SERINC5: variants seen among roughly 807,000 people sequenced by gnomAD.
SERINC5 encodes the protein chromosome 5 open reading frame 12.
SERINC5 carries 41 observed loss-of-function variants against 63.1 expected under a neutral mutation model. The ratio of observed to expected loss-of-function variants is 0.65; its 90% confidence interval spans 0.51 to 0.84. The LOEUF (loss-of-function observed/expected upper bound fraction) is 0.84, where lower values mean the gene tolerates loss of function less well. Among genes scored for constraint, SERINC5 ranks in the 40% least tolerant of loss-of-function variants. The probability of loss-of-function intolerance (pLI) is 0.00; values close to 1 mark genes in which losing one functional copy is unlikely to be tolerated. For missense variants in SERINC5, 523 were observed against 573.0 expected, an observed-to-expected ratio of 0.91 and a Z score of 0.89; for synonymous variants, 222 against 215.2, an observed-to-expected ratio of 1.03 and a Z score of -0.28.
chr5:80,245,739 T>C (rs764273917), intron 1 of SERINC5, among the ~76,000 whole-genome samples: 11 of 151,930 alleles, frequency 7.2e-5, no homozygotes, highest in Admixed American at 1.3e-4. Context: ...CTCAGCCTCC[T>C]GAGTATCTGG....
chr5:80,153,107 T>G (rs1468499898), intron 8 of SERINC5, among the ~76,000 whole-genome samples: 1 of 152,144 alleles, frequency 6.6e-6, no homozygotes, highest in Non-Finnish European at 1.5e-5. Context: ...AGAACTACAT[T>G]CAGAGCATCA....
At position 80,141,328 on chromosome 5, in the gene SERINC5, G is replaced by A; in HGVS notation, c.*2335C>T. On this transcript the variant is annotated 3_prime_UTR_variant, in exon 12 of 12. Coordinates refer to ENST00000507668, the MANE Select transcript of SERINC5 (RefSeq NM_001174072.3). ...GTGGCTGGGCTGGCTCCAGAAGGAAGCGACGAGGGCCTTCTACCGGCCACA... is the reference window on the plus strand; with the variant it reads ...GTGGCTGGGCTGGCTCCAGAAGGAAACGACGAGGGCCTTCTACCGGCCACA... 4.1e-6 allele frequency: 4 copies of A among 985,462 alleles called. No individual in the cohort carries two copies. The highest frequency in any genetic ancestry group is 4.8e-6 in the Non-Finnish European group (4 of 829,942). The allele number at this position is 985,462 out of a possible 1,614,324, so 61.0% of individuals were successfully genotyped here. A position where few individuals can be genotyped will look rare whatever the true frequency, so the allele number is the denominator to read the frequency against.
At position 80,202,886 on chromosome 5, in the gene SERINC5, G is replaced by A. The variant is rs371918058; in HGVS notation, c.195C>T (p.His65=). 70 of 1,607,254 alleles carry A rather than the reference G, an allele frequency of 4.4e-5. No individual in the cohort carries two copies. The highest frequency in any genetic ancestry group is 5.5e-5 in the Non-Finnish European group (65 of 1,174,872). ...ACGAGCTGAACACGGACAAACTTAC[G>A]TGCTCTTTCATCTTGTGAGCCACGG... ...STTVAHKMKE[H]IPFFEDMCKG... Residue 65 remains histidine (H), a splice_region_variant and synonymous_variant, in exon 2 of 12, where the codon CAC becomes CAT. Coordinates refer to ENST00000507668, the MANE Select transcript of SERINC5 (RefSeq NM_001174072.3).
At chr5:80,234,754 A>T (rs1751608791) in intron 1 of SERINC5, among the ~76,000 whole-genome samples, 1 of 152,180 alleles carries the variant, frequency 6.6e-6, no homozygotes, top group African/African-American at 2.4e-5. Flanking sequence ...GAATTATTGC[A>T]TATATATGTA....
chr5:80,145,402 C>G (rs1030660195), intron 11 of SERINC5, among the ~76,000 whole-genome samples: 95 of 143,660 alleles, frequency 6.6e-4, no homozygotes, highest in African/African-American at 2.3e-3. Context: ...GATACACATC[C>G]TAGCAGTGGT....
intron 1 of SERINC5, among the ~76,000 whole-genome samples, chr5:80,254,876 C>T (rs1007461354): frequency 9.2e-5 from 14 of 152,320 alleles, no homozygotes; most frequent in African/African-American, 2.9e-4. Flanking sequence ...GTATAATCGC[C>T]GGTTACAGAA....
chr5:80,208,295 G>A (rs1348532263), intron 1 of SERINC5, among the ~76,000 whole-genome samples: 4 of 151,524 alleles, frequency 2.6e-5, no homozygotes, highest in Admixed American at 6.6e-5. Context: ...GGGGGAGGCC[G>A]TGCAAGTGGG....
chr5:80,180,334 A>C (rs1172927142), intron 2 of SERINC5, among the ~76,000 whole-genome samples: 2 of 152,254 alleles, frequency 1.3e-5, no homozygotes, highest in African/African-American at 4.8e-5. Context: ...TATTCATAAG[A>C]AAAATAAAGT....
At chr5:80,230,764 C>T (rs757152056) in intron 1 of SERINC5, among the ~76,000 whole-genome samples, 2 of 151,382 alleles carry the variant, frequency 1.3e-5, no homozygotes. Context: ...GGGTCCAAAC[C>T]CAGGTATAAT....
intron 5 of SERINC5, among the ~76,000 whole-genome samples, chr5:80,170,590 T>G (rs1182864812): frequency 6.6e-6 from 1 of 152,204 alleles, no homozygotes; most frequent in Non-Finnish European, 1.5e-5. Context: ...ACCTACAGAC[T>G]TTATTCTAGC....
At position 80,171,612 on chromosome 5, in the gene SERINC5, T is replaced by C. The variant is rs184764523; in HGVS notation, c.552-2066A>G. On this transcript the variant is annotated intron_variant, in intron 5 of 11. Coordinates refer to ENST00000507668, the MANE Select transcript of SERINC5 (RefSeq NM_001174072.3). ...TGATGGCTAGCAGTAAGGTATTGTA[T>C]ATTACAAAACAGCTAGAGGAGAGGC... 1.4e-3 allele frequency among the ~76,000 whole-genome samples: 215 copies of C among 152,278 alleles called. 1 individual carries two copies. Among genetic ancestry groups the C allele is most frequent in the Non-Finnish European group, 1.4e-3 (97 of 68,028 alleles).
intron 11 of SERINC5, among the ~76,000 whole-genome samples, chr5:80,116,909 A>C (rs1325571182): frequency 6.6e-6 from 1 of 151,398 alleles, no homozygotes; most frequent in Non-Finnish European, 1.5e-5. Flanking sequence ...GCTCACTGCA[A>C]CCTCTGACTC....
intron 1 of SERINC5, among the ~76,000 whole-genome samples, chr5:80,246,475 G>A (rs1425391105): frequency 6.6e-6 from 1 of 151,998 alleles, no homozygotes; most frequent in African/African-American, 2.4e-5. Context: ...CTTTTGTTTT[G>A]ACTACACAGT....
intron 2 of SERINC5, among the ~76,000 whole-genome samples, chr5:80,180,105 T>C (rs1000277141): frequency 6.6e-6 from 1 of 152,136 alleles, no homozygotes; most frequent in African/African-American, 2.4e-5. Flanking sequence ...AATCTTCTGA[T>C]AAATGTTGAC....
chr5:80,205,913 TACAAAACAAAACAAA>T (rs200755222), intron 1 of SERINC5, among the ~76,000 whole-genome samples: 2 of 119,094 alleles, frequency 1.7e-5, no homozygotes, highest in South Asian at 2.6e-4. Context: ...CTCTACTAAA[TACAAAACAAAACAAA>T]ACAAAACAAA....
At chr5:80,164,899 A>G (rs1580094082) in intron 7 of SERINC5, among the ~76,000 whole-genome samples, 1 of 138,488 alleles carries the variant, frequency 7.2e-6, no homozygotes, top group Non-Finnish European at 1.5e-5. Context: ...ATTTAAAATA[A>G]CTTTTTTTCT....
intron 1 of SERINC5, among the ~76,000 whole-genome samples, chr5:80,239,341 T>G (rs1294141306): frequency 6.6e-6 from 1 of 152,210 alleles, no homozygotes; most frequent in Non-Finnish European, 1.5e-5. Flanking sequence ...CCTTAAAAAC[T>G]ATTGGAGTGT....
chr5:80,247,424 C>A (rs947097045), intron 1 of SERINC5, among the ~76,000 whole-genome samples: 5 of 152,164 alleles, frequency 3.3e-5, no homozygotes, highest in African/African-American at 4.8e-5. Flanking sequence ...TTAATTAGCA[C>A]AGAGAGATGA....
intron 11 of SERINC5, among the ~76,000 whole-genome samples, chr5:80,124,862 G>A (rs1032810481): frequency 6.6e-6 from 1 of 152,266 alleles, no homozygotes; most frequent in Admixed American, 6.5e-5. Context: ...CACCCAGGGT[G>A]GGGAGTAGTT....
Sources: allele counts gnomAD v4.1 joint callset (sites outside exome capture counted in the v4.1 genomes callset), GRCh38; gene constraint gnomAD v4.1.1; transcripts MANE v1.5; gene names NCBI Gene and HGNC (gene_info 2026-07-23, HGNC 2026-07-21).